The following GALNT1 variants were observed in gnomAD, a reference collection of about 807,000 sequenced individuals.
GALNT1 encodes GalNAc transferase 1.
Under a neutral mutation model 65.7 loss-of-function variants are expected in GALNT1, and 17 were observed. The observed-to-expected ratio is 0.26, with a 90% confidence interval of 0.18 to 0.39. The LOEUF is 0.39. Among genes scored for constraint, GALNT1 ranks in the 10% least tolerant of loss-of-function variants. The pLI is 1.00. For missense variants in GALNT1, 460 were observed against 672.8 expected (o/e 0.68, Z 3.50); for synonymous variants, 210 against 219.7 (o/e 0.96, Z 0.39).
chr18:35,584,294 A>C (rs1241207830), intron 1 of GALNT1, among the ~76,000 whole-genome samples: 1 of 152,074 alleles, frequency 6.6e-6, no homozygotes. Context: ...CAACTTTGGT[A>C]CTTTTTTTTC....
chr18:35,625,290 C>T (rs1172256618), intron 1 of GALNT1, among the ~76,000 whole-genome samples: 1 of 152,114 alleles, frequency 6.6e-6, no homozygotes, highest in Admixed American at 6.5e-5. Flanking sequence ...TGTATAGTGT[C>T]AGGGGTCTTG....
At chr18:35,612,651 G>A (rs2046732268) in intron 1 of GALNT1, among the ~76,000 whole-genome samples, 1 of 152,312 alleles carries the variant, frequency 6.6e-6, no homozygotes, top group South Asian at 2.1e-4. Flanking sequence ...ATCACCAGAT[G>A]TCAGGCATTC....
chr18:35,593,287 A>G (rs1460811821), intron 1 of GALNT1, among the ~76,000 whole-genome samples: 1 of 152,214 alleles, frequency 6.6e-6, no homozygotes, highest in African/African-American at 2.4e-5. Context: ...CTGAACAGGC[A>G]GGAGGGTGAA....
intron 1 of GALNT1, among the ~76,000 whole-genome samples, chr18:35,584,819 G>A (rs1448115017): frequency 6.6e-6 from 1 of 152,158 alleles, no homozygotes; most frequent in Non-Finnish European, 1.5e-5. Context: ...CCGGAAGGAG[G>A]TGGAGCTCAG....
chr18:35,606,689 C>T (rs2046651574), intron 1 of GALNT1, among the ~76,000 whole-genome samples: 1 of 152,096 alleles, frequency 6.6e-6, no homozygotes, highest in South Asian at 2.1e-4. Flanking sequence ...GAAGACCTTG[C>T]CCATCACTGT....
chr18:35,598,718 C>A (rs1315311976), intron 1 of GALNT1, among the ~76,000 whole-genome samples: 2 of 152,082 alleles, frequency 1.3e-5, no homozygotes, highest in African/African-American at 4.8e-5. Context: ...CTTCAATATA[C>A]TGATTTCCTT....
intron 4 of GALNT1, among the ~76,000 whole-genome samples, chr18:35,679,764 A>G (rs1158261370): frequency 2.6e-5 from 4 of 152,176 alleles, no homozygotes; most frequent in Non-Finnish European, 5.9e-5. Flanking sequence ...GAATCATCTA[A>G]TGTATTTTTC....
intron 5 of GALNT1, among the ~76,000 whole-genome samples, chr18:35,686,803 A>C (rs1163632872): frequency 2.6e-5 from 4 of 152,146 alleles, no homozygotes; most frequent in Non-Finnish European, 5.9e-5. Context: ...CCAGCTACTC[A>C]GGAAGCTGAG....
At chr18:35,583,619 G>A (rs140237870) in intron 1 of GALNT1, among the ~76,000 whole-genome samples, 3 of 152,198 alleles carry the variant, frequency 2.0e-5, no homozygotes, top group African/African-American at 7.2e-5. Context: ...ATACTTAAGC[G>A]TGGTTGTTAG....
At chr18:35,650,137 T>C (rs2047290773) in intron 1 of GALNT1, among the ~76,000 whole-genome samples, 1 of 152,100 alleles carries the variant, frequency 6.6e-6, no homozygotes, top group South Asian at 2.1e-4. Flanking sequence ...TTTCCCTAAG[T>C]GTCCTCCGGT....
rs1403639618 is a variant in GALNT1 at position 35,683,592 on chromosome 18, A to G, written c.683A>G (p.His228Arg). Residue 228 changes from histidine (H) to arginine (R), a missense_variant, in exon 5 of 12, where the codon CAT becomes CGT. By Grantham distance (29) the His-to-Arg change is conservative (BLOSUM62 0). Transcript: ENST00000269195. ...WLEPLLARIK[H>R]DRRTVVCPII... is the part of the protein sequence containing the mutation. ...GAGCCTCTCTTGGCCAGGATCAAAC[A>G]TGACAGGTAATTTTCTGGTGTCTGT... The G allele has an allele frequency of 2.1e-5, 34 of 1,613,084 alleles. No individual in the cohort carries two copies. The highest frequency in any genetic ancestry group is 2.7e-5 in the Non-Finnish European group (32 of 1,179,504).
intron 1 of GALNT1, among the ~76,000 whole-genome samples, chr18:35,631,330 C>A (rs925607967): frequency 1.5e-4 from 23 of 152,146 alleles, no homozygotes; most frequent in African/African-American, 4.8e-4. Context: ...AAACCGAATC[C>A]AGCAGCACAT....
chr18:35,645,702 T>G (rs2047222298), intron 1 of GALNT1, among the ~76,000 whole-genome samples: 1 of 152,206 alleles, frequency 6.6e-6, no homozygotes, highest in African/African-American at 2.4e-5. Context: ...GATGATAATT[T>G]TGTTTTTTTC....
chr18:35,595,943 A>T (rs1168091547), intron 1 of GALNT1: 1 of 152,216 alleles, frequency 6.6e-6, no homozygotes, highest in Non-Finnish European at 1.5e-5. Flanking sequence ...GTTGGGTGTG[A>T]CATGCTGGTA....
At chr18:35,700,454 T>C (rs1382881818) in intron 9 of GALNT1, among the ~76,000 whole-genome samples, 5 of 152,200 alleles carry the variant, frequency 3.3e-5, no homozygotes, top group Admixed American at 2.6e-4. Flanking sequence ...TGGGCCTCAC[T>C]GACCATATGT....
chr18:35,605,027 T>A (rs549230391), intron 1 of GALNT1, among the ~76,000 whole-genome samples: 1 of 152,292 alleles, frequency 6.6e-6, no homozygotes, highest in African/African-American at 2.4e-5. Context: ...TATTCTTTAA[T>A]TTTGGAACCC....
At chr18:35,583,249 T>G (rs2046344622) in intron 1 of GALNT1, among the ~76,000 whole-genome samples, 1 of 152,196 alleles carries the variant, frequency 6.6e-6, no homozygotes, top group Non-Finnish European at 1.5e-5. Context: ...ATGCAGAATG[T>G]GAAGCCCCGC....
intron 7 of GALNT1, among the ~76,000 whole-genome samples, chr18:35,690,377 C>G (rs1427517557): frequency 6.6e-6 from 1 of 152,048 alleles, no homozygotes; most frequent in Admixed American, 6.6e-5. Flanking sequence ...GCTGGTTACT[C>G]CATGGTCAGG....
At chr18:35,590,776 G>A (rs1046244154) in intron 1 of GALNT1, among the ~76,000 whole-genome samples, 4 of 152,150 alleles carry the variant, frequency 2.6e-5, no homozygotes, top group South Asian at 2.1e-4. Flanking sequence ...GTCCCCATGC[G>A]TGGCAGGGAC....
Sources: gnomAD v4.1 joint callset for allele counts (sites outside exome capture counted in the v4.1 genomes callset) on GRCh38, gnomAD v4.1.1 for gene constraint, MANE v1.5 for transcripts, NCBI Gene and HGNC (gene_info 2026-07-23, HGNC 2026-07-21) for gene names.